SVIL: variants seen among roughly 807,000 people sequenced by gnomAD.
SVIL encodes the protein supervillin, also known as archvillin.
Under a neutral mutation model 240.4 loss-of-function variants are expected in SVIL, and 101 were observed. That is an observed-to-expected ratio of 0.42 (90% CI 0.36 to 0.50). SVIL has a LOEUF of 0.50. Among genes scored for constraint, SVIL ranks in the 20% least tolerant of loss-of-function variants. The pLI is 0.01. For synonymous variants in SVIL, 999 were observed against 1,100.0 expected (o/e 0.91, Z 1.82); for missense variants, 2,512 against 2,818.7 (o/e 0.89, Z 2.46).
At chr10:29,522,702 T>A in intron 15 of SVIL, 67 bp from the exon 16 acceptor site, 1 of 1,525,652 alleles carries the variant, frequency 6.6e-7, no homozygotes, top group Non-Finnish European at 8.9e-7. Context: ...CGATTCGCCC[T>A]CAACAGTGCA....
chr10:29,642,970 G>A (rs558745826), intron 3 of SVIL, among the ~76,000 whole-genome samples: 1 of 152,326 alleles, frequency 6.6e-6, no homozygotes, highest in South Asian at 2.1e-4. Flanking sequence ...ACAGGCGTGA[G>A]CCACTGCACC....
In SVIL at chr10:29,554,856, C is replaced by A; in HGVS notation, c.87G>T (p.Leu29Phe). The A allele has an allele frequency of 6.2e-7, 1 of 1,613,766 alleles. No individual in the cohort carries two copies. Among genetic ancestry groups the A allele is most frequent in the Non-Finnish European group, 8.5e-7 (1 of 1,179,856 alleles). Residue 29 changes from leucine (L) to phenylalanine (F), a missense_variant, in exon 5 of 38, where the codon TTG (leucine) becomes TTT (phenylalanine). Coordinates refer to ENST00000355867, the MANE Select transcript of SVIL (RefSeq NM_021738.3). ...QPILLQSCTG[L>F]VTHRLLEEDT... ...CTTCCTCCAGCAGGCGGTGAGTCAC[C>A]AATCCTGTGCAGCTCTGCAAGAGGA... is the stretch of plus-strand genomic sequence containing the variant.
chr10:29,622,630 C>T (rs1001254511), intron 1 of SVIL, among the ~76,000 whole-genome samples: 1 of 152,122 alleles, frequency 6.6e-6, no homozygotes, highest in Non-Finnish European at 1.5e-5. Flanking sequence ...CTTTAGTTTC[C>T]ATCCATACGT....
intron 1 of SVIL, among the ~76,000 whole-genome samples, chr10:29,598,729 A>G (rs901705067): frequency 6.6e-6 from 1 of 152,228 alleles, no homozygotes; most frequent in African/African-American, 2.4e-5. Flanking sequence ...AGGCCTGGAA[A>G]TGGGCATCAA....
At chr10:29,568,177 T>C (rs2132714836) in intron 2 of SVIL, among the ~76,000 whole-genome samples, 1 of 152,206 alleles carries the variant, frequency 6.6e-6, no homozygotes, top group East Asian at 1.9e-4. Flanking sequence ...TCATCATTGC[T>C]CTAATTAACC....
intron 3 of SVIL, among the ~76,000 whole-genome samples, chr10:29,650,936 A>G (rs1183127933): frequency 6.6e-6 from 1 of 152,174 alleles, no homozygotes; most frequent in East Asian, 1.9e-4. Context: ...CCAAAACAAG[A>G]GCATGGAATG....
At chr10:29,699,820 C>T (rs879677856) in intron 1 of SVIL, among the ~76,000 whole-genome samples, 8 of 152,296 alleles carry the variant, frequency 5.3e-5, no homozygotes, top group East Asian at 1.9e-4. Flanking sequence ...AAGGCACCAG[C>T]GGGAGAATGT....
intron 21 of SVIL, among the ~76,000 whole-genome samples, chr10:29,491,308 G>C (rs1302082866): frequency 3.4e-5 from 5 of 148,980 alleles, no homozygotes; most frequent in Admixed American, 3.3e-4. Context: ...GGCTCTGCTA[G>C]ACAGCTCTAG....
chr10:29,691,004 C>T (rs1961454698), intron 1 of SVIL, among the ~76,000 whole-genome samples: 3 of 152,172 alleles, frequency 2.0e-5, no homozygotes, highest in African/African-American at 4.8e-5. Context: ...TCATAAAACG[C>T]AAAGCTTCAT....
At chr10:29,531,120 G>A (rs1286697192) in intron 10 of SVIL, 134 bp downstream of exon 10, 5 of 826,742 alleles carry the variant, frequency 6.0e-6, no homozygotes, top group African/African-American at 1.7e-5. Flanking sequence ...CATATCCACA[G>A]AACGAAAACC....
At chr10:29,652,258 T>C (rs12766924) in intron 3 of SVIL, among the ~76,000 whole-genome samples, 2 of 152,238 alleles carry the variant, frequency 1.3e-5, no homozygotes, top group South Asian at 2.1e-4. Flanking sequence ...TTTGTGTCTA[T>C]GGATTTGCCT....
intron 36 of SVIL, among the ~76,000 whole-genome samples, chr10:29,461,374 A>G (rs910228095): frequency 6.6e-6 from 1 of 152,194 alleles, no homozygotes; most frequent in African/African-American, 2.4e-5. Flanking sequence ...TGTGTACATC[A>G]AGTCCATTTG....
chr10:29,575,481 C>A (rs1955650888), intron 1 of SVIL: 3 of 171,190 alleles, frequency 1.8e-5, no homozygotes, highest in Non-Finnish European at 3.9e-5. Context: ...TTCTGTGAAA[C>A]TTGTTTTGCA....
At chr10:29,485,486 A>G (rs899656300) in intron 26 of SVIL, among the ~76,000 whole-genome samples, 16 of 152,244 alleles carry the variant, frequency 1.1e-4, no homozygotes, top group African/African-American at 3.9e-4. Context: ...ATGTAAAATT[A>G]TTCCTGAAGG....
chr10:29,551,253 A>C lies in SVIL; in HGVS notation c.171T>G (p.Asn57Lys), dbSNP rs770040113. 4 of 1,594,494 alleles carry C rather than the reference A, an allele frequency of 2.5e-6. No individual in the cohort carries two copies. Among genetic ancestry groups the C allele is most frequent in the Admixed American group, 3.5e-5 (2 of 57,422 alleles). Reference protein sequence around the residue: ...DPASPHIGRSNEEEETSDSSL... With the variant: ...DPASPHIGRSKEEEETSDSSL... ...AAGAATCAGAAGTTTCCTCCTCTTC[A>C]TTTGATCGGCCTACAAGAAGGTCAC... The change falls in exon 6 of 38, where the codon AAT becomes AAG. Residue 57 changes from asparagine to lysine, a missense_variant. Transcript: ENST00000355867.
At chr10:29,459,258 G>A (rs538459389) in intron 36 of SVIL, among the ~76,000 whole-genome samples, 80 of 152,300 alleles carry the variant, frequency 5.3e-4, no homozygotes, top group African/African-American at 1.9e-3. Flanking sequence ...CTATTGGCAT[G>A]TGCCACCACG....
chr10:29,527,262 C>A (rs1460986697), intron 12 of SVIL, among the ~76,000 whole-genome samples: 2 of 151,936 alleles, frequency 1.3e-5, no homozygotes, highest in African/African-American at 4.8e-5. Flanking sequence ...CTACCCAAAG[C>A]AAATGGGGTA....
chr10:29,619,902 G>A (rs1324561397), intron 1 of SVIL, among the ~76,000 whole-genome samples: 1 of 151,912 alleles, frequency 6.6e-6, no homozygotes, highest in Non-Finnish European at 1.5e-5. Flanking sequence ...TTTTTTGGAT[G>A]TTACGCATAC....
intron 34 of SVIL, among the ~76,000 whole-genome samples, 154 bp from the exon 35 acceptor site, chr10:29,463,789 CAG>C (rs1256619216): frequency 7.2e-5 from 11 of 151,962 alleles, no homozygotes; most frequent in Admixed American, 6.5e-4. Context: ...AAGGGGCAAA[CAG>C]AGAAACCCAG....
Sources: gnomAD v4.1 joint callset for allele counts (sites outside exome capture counted in the v4.1 genomes callset) on GRCh38, gnomAD v4.1.1 for gene constraint, MANE v1.5 for transcripts, NCBI Gene and HGNC (gene_info 2026-07-23, HGNC 2026-07-21) for gene names.